GATAD2A: variants seen among roughly 807,000 people sequenced by gnomAD.
GATAD2A encodes the protein transcriptional repressor p66-alpha.
In GATAD2A, 12 loss-of-function variants were observed where a neutral mutation model predicts 68.5. The ratio of observed to expected loss-of-function variants is 0.18; its 90% CI spans 0.11 to 0.28. The LOEUF is 0.28. Ranked by LOEUF, GATAD2A falls within the 10% of genes least tolerant of loss-of-function variation. GATAD2A has a pLI of 1.00. For missense variants in GATAD2A, 755 were observed against 868.5 expected, an observed-to-expected ratio of 0.87 and a Z score of 1.64; for synonymous variants, 410 against 375.3, an observed-to-expected ratio of 1.09 and a Z score of -1.07.
chr19:19,440,193 G>C, intron 1 of GATAD2A: 1 of 403,484 alleles, frequency 2.5e-6, no homozygotes, highest in Non-Finnish European at 4.9e-6. Context: ...AAGAAGAGAT[G>C]GAGTGTGCTG....
chr19:19,415,841 C>T (rs1333205587), intron 1 of GATAD2A, among the ~76,000 whole-genome samples: 5 of 151,996 alleles, frequency 3.3e-5, no homozygotes, highest in Admixed American at 2.0e-4. Flanking sequence ...TGGTCTTGAT[C>T]CCTTGACCTC....
chr19:19,403,323 G>C (rs551833607), upstream of GATAD2A, among the ~76,000 whole-genome samples: 2 of 152,140 alleles, frequency 1.3e-5, no homozygotes, highest in South Asian at 4.2e-4. Context: ...GGGACCCCAA[G>C]CAGATCTGGA....
intron 1 of GATAD2A, among the ~76,000 whole-genome samples, chr19:19,392,498 TTC>T (rs2048921227): frequency 6.6e-6 from 1 of 150,452 alleles, no homozygotes; most frequent in East Asian, 2.0e-4. Flanking sequence ...GTTCAAGCAA[TTC>T]TCTGTCTTAG....
intron 3 of GATAD2A, 57 bp downstream of exon 3, chr19:19,492,495 C>T: frequency 6.2e-7 from 1 of 1,612,340 alleles, no homozygotes; most frequent in Non-Finnish European, 8.5e-7. Context: ...CTACTCATGA[C>T]ACCCTCAGGT....
intron 2 of GATAD2A, among the ~76,000 whole-genome samples, chr19:19,486,430 T>C (rs1230311863): frequency 6.6e-6 from 1 of 152,198 alleles, no homozygotes; most frequent in Non-Finnish European, 1.5e-5. Context: ...AGCATCCATC[T>C]TGCCTCTGGA....
intron 1 of GATAD2A, among the ~76,000 whole-genome samples, chr19:19,394,011 C>T (rs1168456547): frequency 1.3e-4 from 19 of 151,800 alleles, no homozygotes; most frequent in African/African-American, 4.4e-4. Flanking sequence ...CTCAGCCTCC[C>T]GAGTAGCTGG....
intron 1 of GATAD2A, among the ~76,000 whole-genome samples, chr19:19,433,972 CA>C: frequency 6.6e-6 from 1 of 152,200 alleles, no homozygotes; most frequent in Non-Finnish European, 1.5e-5. Context: ...GGGGTTTTGC[CA>C]TATTGGCCAG....
At chr19:19,405,366 CGA>C (rs1385298861), upstream of GATAD2A, among the ~76,000 whole-genome samples, 1 of 152,214 alleles carries the variant, frequency 6.6e-6, no homozygotes, top group Non-Finnish European at 1.5e-5. Flanking sequence ...TCAGCTGGCG[CGA>C]GGTCAGCAGT....
chr19:19,410,950 A>G (rs903661062), intron 1 of GATAD2A, among the ~76,000 whole-genome samples: 2 of 152,236 alleles, frequency 1.3e-5, no homozygotes, highest in East Asian at 3.8e-4. Context: ...TGTGTTCCAC[A>G]TGTTGCAGTT....
rs184684304 is a variant in GATAD2A at position 19,439,740 on chromosome 19, G to A, written c.-6-25600G>A. Among the ~76,000 whole-genome samples the A allele has an allele frequency of 1.8e-4, 27 of 152,128 alleles. No homozygotes were observed. In the East Asian group the frequency reaches 2.5e-3, roughly 14 times the overall value. On this transcript the variant is annotated intron_variant, in intron 1 of 11. Coordinates refer to ENST00000683918, the MANE Select transcript of GATAD2A (RefSeq NM_001384528.1). Reference sequence around the variant, plus strand: ...TGCACGCTTGTAATCACAGTTACCCGGGGAGGCTGAGGCAGGAGAATCGCT... The same window carrying A: ...TGCACGCTTGTAATCACAGTTACCCAGGGAGGCTGAGGCAGGAGAATCGCT...
intron 1 of GATAD2A, among the ~76,000 whole-genome samples, chr19:19,426,688 A>G (rs975650787): frequency 1.3e-5 from 2 of 151,748 alleles, no homozygotes; most frequent in African/African-American, 2.4e-5. Flanking sequence ...TTTTTTTTGT[A>G]TTTTTAATGG....
intron 1 of GATAD2A, among the ~76,000 whole-genome samples, chr19:19,429,785 A>G (rs2053528427): frequency 6.6e-6 from 1 of 152,024 alleles, no homozygotes; most frequent in Non-Finnish European, 1.5e-5. Flanking sequence ...TCTGGTTGCC[A>G]AGGATGGGCT....
intron 1 of GATAD2A, among the ~76,000 whole-genome samples, chr19:19,452,261 T>C (rs2056469609): frequency 6.6e-6 from 1 of 152,132 alleles, no homozygotes; most frequent in Admixed American, 6.6e-5. Context: ...TTCCCAGTCT[T>C]CTTGTTGCCC....
At chr19:19,484,726 G>T (rs1288529726) in intron 2 of GATAD2A, among the ~76,000 whole-genome samples, 1 of 151,788 alleles carries the variant, frequency 6.6e-6, no homozygotes, top group Non-Finnish European at 1.5e-5. Context: ...GTAGAGACGA[G>T]GTTTCACTGT....
intron 8 of GATAD2A, among the ~76,000 whole-genome samples, chr19:19,500,867 C>G (rs2060480528): frequency 6.6e-6 from 1 of 152,234 alleles, no homozygotes; most frequent in South Asian, 2.1e-4. Flanking sequence ...CACACTGAGG[C>G]AGGGCTTGGC....
intron 1 of GATAD2A, among the ~76,000 whole-genome samples, chr19:19,432,012 G>A (rs1254073817): frequency 1.3e-5 from 2 of 152,156 alleles, no homozygotes; most frequent in Non-Finnish European, 2.9e-5. Context: ...TTTCACTCTT[G>A]TTGCTGAGGC....
At chr19:19,505,278 G>C in intron 11 of GATAD2A, 66 bp from the exon 12 acceptor site, 1 of 1,539,330 alleles carries the variant, frequency 6.5e-7, no homozygotes, top group Non-Finnish European at 8.9e-7. Context: ...GGCAGCTATG[G>C]CTGGGCTCCT....
At chr19:19,485,900 C>T (rs191050229) in intron 2 of GATAD2A, among the ~76,000 whole-genome samples, 2 of 152,298 alleles carry the variant, frequency 1.3e-5, no homozygotes, top group East Asian at 1.9e-4. Flanking sequence ...CAAAGACGCA[C>T]GATGACACAC....
Position 19,478,305 on chromosome 19 carries a change from A to C in GATAD2A, c.269+12691A>C, listed in dbSNP as rs184513529. Among the ~76,000 whole-genome samples the C allele has an allele frequency of 3.3e-4, 50 of 152,290 alleles. 1 individual carries two copies. The Middle Eastern group carries it at 0.031, about 93-fold the overall frequency. ...TCTGTTGACATTTACTGTGTTAGAA[A>C]ATTTGAAAATACTGGCCAGGCGCAG... On this transcript the variant is annotated intron_variant, in intron 2 of 11. Coordinates refer to ENST00000683918, the MANE Select transcript of GATAD2A (RefSeq NM_001384528.1).
Sources: gnomAD v4.1 joint callset for allele counts (sites outside exome capture counted in the v4.1 genomes callset) on GRCh38, gnomAD v4.1.1 for gene constraint, MANE v1.5 for transcripts, NCBI Gene and HGNC (gene_info 2026-07-23, HGNC 2026-07-21) for gene names.